The following CDH4 variants were observed in gnomAD, a reference collection of about 807,000 sequenced individuals.
CDH4 encodes cadherin 4, also known as cadherin-4.
A neutral mutation model predicts 86.0 loss-of-function variants in CDH4; 33 were observed. The ratio of observed to expected loss-of-function variants is 0.38; its 90% CI spans 0.29 to 0.51. The LOEUF (loss-of-function observed/expected upper bound fraction) is 0.51. Among genes scored for constraint, CDH4 ranks in the 20% least tolerant of loss-of-function variants. The pLI is 0.86. For synonymous variants in CDH4, 555 were observed against 549.4 expected (o/e 1.01, Z -0.14); for missense variants, 1,114 against 1,307.4 (o/e 0.85, Z 2.28).
intron 2 of CDH4, among the ~76,000 whole-genome samples, chr20:61,607,559 A>G (rs1445795631): frequency 2.0e-5 from 3 of 152,206 alleles, no homozygotes; most frequent in Admixed American, 6.5e-5. Context: ...ATGTAATAAG[A>G]TTAGAAAAAA....
chr20:61,337,226 T>C (rs1043354829), intron 2 of CDH4, among the ~76,000 whole-genome samples: 3 of 29,334 alleles, frequency 1.0e-4, no homozygotes, highest in African/African-American at 2.4e-4. Context: ...GCAGAGTGCA[T>C]TGTTAGGCAA....
chr20:61,565,258 TGGTGGTGGTGGTCCTCTTGGTGATGG>T (rs2086274244), intron 2 of CDH4, among the ~76,000 whole-genome samples: 2 of 68,628 alleles, frequency 2.9e-5, no homozygotes, highest in Non-Finnish European at 6.1e-5. Context: ...CTCTTGGTGA[TGGTGGTGGTGGTCCTCTTGGTGATGG>T]GGTGATGGTG....
At chr20:61,300,902 C>G (rs905962102) in intron 2 of CDH4, among the ~76,000 whole-genome samples, 3 of 152,218 alleles carry the variant, frequency 2.0e-5, no homozygotes, top group Admixed American at 6.5e-5. Flanking sequence ...TCAAGCTGTA[C>G]AAAGCCCGGA....
chr20:61,687,150 G>A (rs372979490), intron 2 of CDH4, among the ~76,000 whole-genome samples: 1 of 152,178 alleles, frequency 6.6e-6, no homozygotes, highest in Non-Finnish European at 1.5e-5. Flanking sequence ...GTGCGTGTTC[G>A]GTGTCCACTG....
chr20:61,380,736 T>G (rs577472827), intron 2 of CDH4, among the ~76,000 whole-genome samples: 140 of 152,326 alleles, frequency 9.2e-4, no homozygotes, highest in African/African-American at 3.2e-3. Flanking sequence ...CCCGCATGGT[T>G]GTTACAACTT....
chr20:61,301,812 G>A lies in CDH4; in HGVS notation c.169+46875G>A, dbSNP rs140137112. On this transcript the variant is annotated intron_variant, in intron 2 of 15. Transcript: ENST00000614565. ...GCGATTACAAAAGCCATGATTTAGAGTACAACATAAAACTCTGCTGAGAAC... is the reference window on the plus strand; with the variant it reads ...GCGATTACAAAAGCCATGATTTAGAATACAACATAAAACTCTGCTGAGAAC... 8.9e-3 allele frequency among the ~76,000 whole-genome samples: 1,348 copies of A among 152,308 alleles called. 20 individuals carry two copies. Among genetic ancestry groups the A allele is most frequent in the African/African-American group, 0.03 (1,267 of 41,556 alleles).
chr20:61,779,106 T>C (rs945613265), intron 4 of CDH4, among the ~76,000 whole-genome samples: 1 of 152,190 alleles, frequency 6.6e-6, no homozygotes, highest in Non-Finnish European at 1.5e-5. Context: ...TAGGTTTGAC[T>C]CCTGGCGAGA....
In CDH4 at chr20:61,685,505, C is replaced by T. The variant is rs112550074; in HGVS notation, c.170-58058C>T. Among the ~76,000 whole-genome samples, 478 of 152,362 alleles carry T rather than the reference C, an allele frequency of 3.1e-3. 12 individuals carry two copies. Among genetic ancestry groups the T allele is most frequent in the Admixed American group, 0.025 (380 of 15,306 alleles). ...GGAGAGTGCCTGCTCTCATCAGTCC[C>T]GTCTCTCCCCTCTGGATTGCAAAGG... On this transcript the variant is annotated intron_variant, in intron 2 of 15. Coordinates refer to ENST00000614565, the MANE Select transcript of CDH4 (RefSeq NM_001794.5).
intron 3 of CDH4, among the ~76,000 whole-genome samples, chr20:61,759,408 C>T (rs149385247): frequency 1.7e-3 from 259 of 152,254 alleles, no homozygotes; most frequent in African/African-American, 5.8e-3. Flanking sequence ...ACATGGTGGA[C>T]GACAGATCCA....
intron 2 of CDH4, among the ~76,000 whole-genome samples, chr20:61,714,973 T>C (rs1454556836): frequency 6.6e-6 from 1 of 152,218 alleles, no homozygotes; most frequent in Non-Finnish European, 1.5e-5. Context: ...TTTAGTTCTT[T>C]AAGAAATCTC....
At chr20:61,849,256 C>T (rs908308995) in intron 5 of CDH4, among the ~76,000 whole-genome samples, 1 of 152,098 alleles carries the variant, frequency 6.6e-6, no homozygotes, top group Non-Finnish European at 1.5e-5. Flanking sequence ...GCATCACACT[C>T]CTCATCAGAC....
Position 61,544,268 on chromosome 20 carries a change from A to C in CDH4, c.170-199295A>C, listed in dbSNP as rs6061633. 6.6e-6 allele frequency among the ~76,000 whole-genome samples: 1 copy of C among 151,952 alleles called. No homozygotes were observed. Among genetic ancestry groups the C allele is most frequent in the Middle Eastern group, 3.2e-3 (1 of 316 alleles). On this transcript the variant is annotated intron_variant, in intron 2 of 15. Coordinates refer to ENST00000614565, the MANE Select transcript of CDH4 (RefSeq NM_001794.5). The surrounding 1 kb of genome is among the most constrained non-coding windows in gnomAD (Gnocchi z 6.5). ...ATGTATATGGCGGGGTACGGCTGACATCGAGCGGGTGGAGGCTGGGTACGG... is the reference window on the plus strand; with the variant it reads ...ATGTATATGGCGGGGTACGGCTGACCTCGAGCGGGTGGAGGCTGGGTACGG...
chr20:61,418,096 A>G (rs1433417797), intron 2 of CDH4, among the ~76,000 whole-genome samples: 1 of 152,166 alleles, frequency 6.6e-6, no homozygotes, highest in Non-Finnish European at 1.5e-5. Context: ...TGATCAAGAA[A>G]GTAAAGGTGT....
chr20:61,565,405 C>CCTCTTGGTGATGGTGGTGGTGGTGGTGCT (rs60747414), intron 2 of CDH4, among the ~76,000 whole-genome samples: 5 of 21,008 alleles, frequency 2.4e-4, no homozygotes, highest in Non-Finnish European at 2.9e-4. Flanking sequence ...ATGGTGGTGG[C>CCTCTTGGTGATGGTGGTGGTGGTGGTGCT]GGTGCTCTTG....
intron 4 of CDH4, among the ~76,000 whole-genome samples, chr20:61,820,453 G>T (rs563952396): frequency 6.6e-5 from 10 of 152,358 alleles, no homozygotes; most frequent in South Asian, 2.1e-4. Flanking sequence ...TTTAAAACCT[G>T]TTCTGGTCAA....
intron 2 of CDH4, among the ~76,000 whole-genome samples, chr20:61,414,074 G>C (rs1338540279): frequency 1.3e-5 from 2 of 152,202 alleles, no homozygotes; most frequent in Non-Finnish European, 2.9e-5. Context: ...GAGGACATCA[G>C]TCCCACTACA....
intron 4 of CDH4, among the ~76,000 whole-genome samples, chr20:61,785,071 C>G (rs866538785): frequency 6.6e-6 from 1 of 152,148 alleles, no homozygotes; most frequent in Non-Finnish European, 1.5e-5. Context: ...TCCCCAAAGG[C>G]GGGGTCAGGA....
chr20:61,714,201 C>T (rs1473520836), intron 2 of CDH4, among the ~76,000 whole-genome samples: 1 of 151,964 alleles, frequency 6.6e-6, no homozygotes, highest in Admixed American at 6.6e-5. Context: ...CATCCGCCAC[C>T]ACGCCTGGCT....
chr20:61,530,785 A>G (rs6061606), intron 2 of CDH4, among the ~76,000 whole-genome samples: 55,720 of 151,866 alleles, frequency 0.37, 14,086 homozygotes, highest in African/African-American at 0.72. Flanking sequence ...GAGTGAGGGC[A>G]GTCCTGCCCT....
Sources: gnomAD v4.1 joint callset for allele counts (sites outside exome capture counted in the v4.1 genomes callset) on GRCh38, gnomAD v4.1.1 for gene constraint, Gnocchi (gnomAD v3.1) non-coding constraint, MANE v1.5 for transcripts, NCBI Gene and HGNC (gene_info 2026-07-23, HGNC 2026-07-21) for gene names.